Variants in SPMIP7 observed in about 807,000 individuals in gnomAD.
The protein encoded by SPMIP7 is sperm microtubule inner protein 7.
the SPMIP7 span, among the ~76,000 whole-genome samples, chr7:50,150,802 CTT>C: frequency 3.3e-5 from 5 of 152,214 alleles, no homozygotes; most frequent in Admixed American, 6.5e-5. Context: ...CTTCTTCACT[CTT>C]GTGTTTTCCT....
chr7:50,141,441 G>A, the SPMIP7 span: 1 of 1,097,274 alleles, frequency 9.1e-7, no homozygotes, highest in Non-Finnish European at 1.4e-6. Context: ...GATGAAACAT[G>A]ATGATGGACT....
At chr7:50,105,441 A>C in the SPMIP7 span, among the ~76,000 whole-genome samples, 2 of 152,154 alleles carry the variant, frequency 1.3e-5, no homozygotes, top group African/African-American at 4.8e-5. Context: ...CTGCCTGAGA[A>C]TTTACCTGTA....
the SPMIP7 span, among the ~76,000 whole-genome samples, chr7:50,132,621 G>A: frequency 5.6e-4 from 85 of 152,186 alleles, no homozygotes; most frequent in African/African-American, 1.9e-3. Flanking sequence ...TGAACTCACA[G>A]ATTAATTTCT....
the SPMIP7 span, among the ~76,000 whole-genome samples, chr7:50,112,209 T>A: frequency 1.4e-4 from 22 of 152,082 alleles, no homozygotes; most frequent in Non-Finnish European, 1.5e-5. Context: ...AGATAAAGAA[T>A]ATTTAAAAGT....
chr7:50,113,253 C>T, the SPMIP7 span, among the ~76,000 whole-genome samples: 2 of 152,036 alleles, frequency 1.3e-5, no homozygotes, highest in Non-Finnish European at 2.9e-5. Context: ...AAACAACTTC[C>T]AGCAACCAAC....
chr7:50,123,130 C>T, the SPMIP7 span, among the ~76,000 whole-genome samples: 12 of 126,638 alleles, frequency 9.5e-5, no homozygotes, highest in East Asian at 5.3e-4. Flanking sequence ...ATGTTTATTG[C>T]GGCACTATTC....
At chr7:50,120,675 T>C in the SPMIP7 span, among the ~76,000 whole-genome samples, 1 of 152,218 alleles carries the variant, frequency 6.6e-6, no homozygotes, top group African/African-American at 2.4e-5. Context: ...AACAGCTGGT[T>C]TGCAGGCGTC....
chr7:50,134,028 T>C, the SPMIP7 span: 24 of 1,287,996 alleles, frequency 1.9e-5, no homozygotes, highest in Non-Finnish European at 2.4e-5. Context: ...TCGGATTCTC[T>C]TATCATAGTA....
At chr7:50,120,421 T>C in the SPMIP7 span, 4 of 152,244 alleles carry the variant, frequency 2.6e-5, no homozygotes, top group Non-Finnish European at 5.9e-5. Flanking sequence ...AAAAAGGTCA[T>C]GTTCAGCAAA....
the SPMIP7 span, among the ~76,000 whole-genome samples, chr7:50,133,459 T>G: frequency 6.6e-6 from 1 of 152,194 alleles, no homozygotes; most frequent in Non-Finnish European, 1.5e-5. Flanking sequence ...AGTTGATTTG[T>G]AAATTAATGG....
chr7:50,152,059 G>A, the SPMIP7 span, among the ~76,000 whole-genome samples: 1 of 152,146 alleles, frequency 6.6e-6, no homozygotes, highest in Non-Finnish European at 1.5e-5. Context: ...TTGAAAGCAG[G>A]AGATGTGGCC....
At chr7:50,148,970 C>T in the SPMIP7 span, among the ~76,000 whole-genome samples, 4 of 152,100 alleles carry the variant, frequency 2.6e-5, no homozygotes, top group African/African-American at 9.7e-5. Flanking sequence ...CAGGGTGAAA[C>T]CCCGACTCTA....
the SPMIP7 span, among the ~76,000 whole-genome samples, chr7:50,145,809 C>G: frequency 6.6e-6 from 1 of 151,110 alleles, no homozygotes; most frequent in Non-Finnish European, 1.5e-5. Flanking sequence ...CCAAACCCAG[C>G]ACTTGCAGTC....
At chr7:50,132,420 G>T in the SPMIP7 span, among the ~76,000 whole-genome samples, 1 of 152,038 alleles carries the variant, frequency 6.6e-6, no homozygotes, top group Non-Finnish European at 1.5e-5. Context: ...TTTTATTAAG[G>T]TTGTGATACT....
chr7:50,134,472 T>G, the SPMIP7 span, among the ~76,000 whole-genome samples: 1 of 152,204 alleles, frequency 6.6e-6, no homozygotes, highest in East Asian at 1.9e-4. Context: ...ATGTTTTCAA[T>G]ATTCAAAACT....
the SPMIP7 span, among the ~76,000 whole-genome samples, chr7:50,102,375 G>A: frequency 6.6e-6 from 1 of 152,092 alleles, no homozygotes; most frequent in Non-Finnish European, 1.5e-5. Context: ...CTTATCTAGA[G>A]GGTCTGGGGA....
At chr7:50,157,802 G>A in the SPMIP7 span, among the ~76,000 whole-genome samples, 1 of 152,124 alleles carries the variant, frequency 6.6e-6, no homozygotes, top group Non-Finnish European at 1.5e-5. Flanking sequence ...GTGACACTAG[G>A]ATAGCCATCT....
At chr7:50,113,040 C>T in the SPMIP7 span, among the ~76,000 whole-genome samples, 5 of 151,784 alleles carry the variant, frequency 3.3e-5, no homozygotes, top group East Asian at 1.9e-4. Flanking sequence ...GGACAGGGAA[C>T]GTTTTATGTC....
chr7:50,134,291 G>A, the SPMIP7 span: 1 of 1,454,542 alleles, frequency 6.9e-7, no homozygotes, highest in Non-Finnish European at 9.1e-7. Flanking sequence ...CATTGTTATT[G>A]AAATGAGTTC....
Sources: allele counts gnomAD v4.1 joint callset (sites outside exome capture counted in the v4.1 genomes callset), GRCh38; gene constraint gnomAD v4.1.1; transcripts MANE v1.5; gene names NCBI Gene and HGNC (gene_info 2026-07-23, HGNC 2026-07-21).